The following RAE1 variants were observed in gnomAD, a reference collection of about 807,000 sequenced individuals.
RAE1 encodes the protein ribonucleic acid export 1, also known as mRNA export factor RAE1.
Under a neutral mutation model 52.7 loss-of-function variants are expected in RAE1, and 13 were observed. That is an observed-to-expected ratio of 0.25 (90% CI 0.16 to 0.39). RAE1 has a LOEUF of 0.39. Among genes scored for constraint, RAE1 ranks in the 10% least tolerant of loss-of-function variants. The pLI is 1.00. For synonymous variants in RAE1, 164 were observed against 153.1 expected (o/e 1.07, Z -0.52); for missense variants, 262 against 459.8 (o/e 0.57, Z 3.93).
chr20:57,378,115 G>A lies in RAE1; in HGVS notation c.*16G>A. ...TAAGAAGTAGTGGCTGGAGACTCTG[G>A]CTCAGCCAGAGTTGTTTCTCTCCAC... On this transcript the variant is annotated 3_prime_UTR_variant, in exon 12 of 12. Coordinates refer to ENST00000395841, the MANE Select transcript of RAE1 (RefSeq NM_003610.4). 6.3e-7 allele frequency: 1 copy of A among 1,584,800 alleles called. No homozygotes were observed. Among genetic ancestry groups the A allele is most frequent in the Non-Finnish European group, 8.6e-7 (1 of 1,158,168 alleles).
intron 1 of RAE1, among the ~76,000 whole-genome samples, 165 bp from the exon 2 acceptor site, chr20:57,353,867 G>C (rs961477311): frequency 6.6e-6 from 1 of 152,200 alleles, no homozygotes; most frequent in Non-Finnish European, 1.5e-5. Flanking sequence ...TAAAATAGAA[G>C]GTTTATGTTT....
chr20:57,356,887 T>G (rs2066796296), intron 4 of RAE1, among the ~76,000 whole-genome samples: 1 of 152,210 alleles, frequency 6.6e-6, no homozygotes, highest in African/African-American at 2.4e-5. Context: ...GGCTTCCACC[T>G]GGCGCGGGAG....
rs1047582445 is a variant in RAE1 at position 57,369,211 on chromosome 20, C to T, written c.642+399C>T. Among the ~76,000 whole-genome samples the T allele has an allele frequency of 3.3e-5, 5 of 152,220 alleles. No homozygotes were observed. In the East Asian group the frequency reaches 9.6e-4, roughly 29 times the overall value. The stretch of plus-strand genomic sequence containing the variant: ...AGGCAATATGGTTGATGCTTTCATA[C>T]CATCTTGAGGTCACAGAAAGAAGGG... On this transcript the variant is annotated intron_variant, in intron 8 of 11. Transcript: ENST00000395841.
In RAE1 at chr20:57,373,854, C is replaced by G. The variant is rs1007959889; in HGVS notation, c.825+116C>G. 3.6e-6 allele frequency: 4 copies of G among 1,095,956 alleles called. No homozygotes were observed. The South Asian group carries it at 5.5e-5, about 15-fold the overall frequency. 67.9% of individuals were successfully genotyped at this position (1,095,956 alleles called of 1,614,324 possible). On this transcript the variant is annotated intron_variant, in intron 10 of 11. Transcript: ENST00000395841. ...ACTGAAGAGCTTGTGTGTTCATGTC[C>G]GGAGATAAGTGGCTTATGCTGTAGG...
intron 2 of RAE1, 91 bp downstream of exon 2, chr20:57,354,219 CT>C (rs2066751443): frequency 1.8e-6 from 2 of 1,096,456 alleles, no homozygotes; most frequent in African/African-American, 1.6e-5. Context: ...TGGGAGCCTC[CT>C]TTAGGCTGAA....
chr20:57,365,229 C>T (rs1165594669), intron 4 of RAE1, 127 bp from the exon 5 acceptor site: 3 of 590,438 alleles, frequency 5.1e-6, no homozygotes, highest in Non-Finnish European at 8.5e-6. Context: ...TACACTGGTC[C>T]CCAAACAATT....
At chr20:57,356,220 C>G (rs2066784146) in intron 3 of RAE1, among the ~76,000 whole-genome samples, 1 of 152,158 alleles carries the variant, frequency 6.6e-6, no homozygotes, top group African/African-American at 2.4e-5. Context: ...AGAAAATTAT[C>G]TGCAATTTTA....
rs540194424 is a variant in RAE1 at position 57,372,674 on chromosome 20, C to T, written c.643-801C>T. ...GCCGTTTTCCTTCGTACTTAGGAAA[C>T]GTGCATCACCAGCAGCTGTCACGAT... On this transcript the variant is annotated intron_variant, in intron 8 of 11. Coordinates refer to ENST00000395841, the MANE Select transcript of RAE1 (RefSeq NM_003610.4). The T allele has an allele frequency of 6.6e-5, 10 of 152,374 alleles. No homozygotes were observed. In the East Asian group the frequency reaches 7.7e-4, roughly 12 times the overall value. 9.4% of individuals were successfully genotyped at this position (152,374 alleles called of 1,614,324 possible).
In RAE1 at chr20:57,379,175, T is replaced by G. The variant is rs2067153058; in HGVS notation, c.*1076T>G. On this transcript the variant is annotated 3_prime_UTR_variant, in exon 12 of 12. Coordinates refer to ENST00000395841, the MANE Select transcript of RAE1 (RefSeq NM_003610.4). ...GTGTTTGCCTACTCATAAAAAACAA[T>G]GAAAATAAAATTTTCTACTGGAAGA... 1 of 152,290 alleles carries G rather than the reference T, an allele frequency of 6.6e-6. No individual in the cohort carries two copies. Among genetic ancestry groups the G allele is most frequent in the South Asian group, 2.1e-4 (1 of 4,824 alleles). 9.4% of individuals were successfully genotyped at this position (152,290 alleles called of 1,614,324 possible). A position where few individuals can be genotyped will look rare whatever the true frequency, so the allele number is the denominator to read the frequency against.
intron 10 of RAE1, among the ~76,000 whole-genome samples, 163 bp from the exon 11 acceptor site, chr20:57,374,444 G>A (rs1194920311): frequency 6.6e-6 from 1 of 152,208 alleles, no homozygotes; most frequent in African/African-American, 2.4e-5. Flanking sequence ...GCTGGCATTT[G>A]ATGGAGGAAG....
chr20:57,351,872 T>C, intron 1 of RAE1: 1 of 985,450 alleles, frequency 1.0e-6, no homozygotes, highest in Non-Finnish European at 1.2e-6. Flanking sequence ...CGCCAAGTAT[T>C]TATTGTATAC....
chr20:57,353,617 A>G (rs543575678), intron 1 of RAE1, among the ~76,000 whole-genome samples: 43 of 152,392 alleles, frequency 2.8e-4, no homozygotes, highest in African/African-American at 1.0e-3. Flanking sequence ...TGGAAACCTG[A>G]AAGCACGGGG....
intron 5 of RAE1, among the ~76,000 whole-genome samples, chr20:57,366,233 A>G (rs1227232386): frequency 2.6e-5 from 4 of 151,728 alleles, no homozygotes; most frequent in African/African-American, 7.3e-5. Flanking sequence ...TGGAAGGTAG[A>G]TATATGTTTT....
chr20:57,375,222 A>G (rs1051188985), intron 11 of RAE1: 6 of 603,094 alleles, frequency 9.9e-6, no homozygotes, highest in South Asian at 9.8e-5. Context: ...GCCTTTGGGC[A>G]TGATGGTGAA....
chr20:57,364,527 G>GGA (rs1326746881), intron 4 of RAE1, among the ~76,000 whole-genome samples: 2 of 152,176 alleles, frequency 1.3e-5, no homozygotes, highest in Admixed American at 6.5e-5. Context: ...TTTTGCTAGA[G>GGA]GAGAATGGTG....
intron 4 of RAE1, chr20:57,359,033 TG>T: frequency 6.6e-7 from 1 of 1,517,098 alleles, no homozygotes. Context: ...AACCTTCGTG[TG>T]GCCATTCATT....
intron 8 of RAE1, chr20:57,371,077 T>G (rs2067029414): frequency 6.6e-6 from 1 of 152,268 alleles, no homozygotes; most frequent in African/African-American, 2.4e-5. Flanking sequence ...CTGTTCATTT[T>G]TCTCCCTCCC....
intron 11 of RAE1, among the ~76,000 whole-genome samples, chr20:57,376,212 G>T (rs1022989938): frequency 6.6e-6 from 1 of 152,168 alleles, no homozygotes; most frequent in Non-Finnish European, 1.5e-5. Flanking sequence ...CCTGTTTGAG[G>T]GTTTGCTGTG....
chr20:57,364,065 A>G (rs970831381), intron 4 of RAE1, among the ~76,000 whole-genome samples: 1 of 152,156 alleles, frequency 6.6e-6, no homozygotes, highest in Non-Finnish European at 1.5e-5. Flanking sequence ...AGTCGGAGCT[A>G]CCCGGGAGAG....
Sources: gnomAD v4.1 joint callset for allele counts (sites outside exome capture counted in the v4.1 genomes callset) on GRCh38, gnomAD v4.1.1 for gene constraint, MANE v1.5 for transcripts, NCBI Gene and HGNC (gene_info 2026-07-23, HGNC 2026-07-21) for gene names.